Variants in ADAM12 observed in about 807,000 individuals in gnomAD.
ADAM12 encodes the protein ADAM metallopeptidase domain 12.
A neutral mutation model predicts 106.4 loss-of-function variants in ADAM12; 70 were observed. The ratio of observed to expected loss-of-function variants is 0.66; its 90% CI spans 0.54 to 0.80. The LOEUF (loss-of-function observed/expected upper bound fraction) is 0.80. ADAM12 is among the 30% of genes least tolerant of loss of function. ADAM12 has a pLI of 0.00. For synonymous variants in ADAM12, 420 were observed against 433.5 expected, an observed-to-expected ratio of 0.97 and a Z score of 0.39; for missense variants, 1,010 against 1,171.9, an observed-to-expected ratio of 0.86 and a Z score of 2.02.
chr10:126,100,758 C>T (rs1955648732), intron 9 of ADAM12, among the ~76,000 whole-genome samples: 2 of 151,948 alleles, frequency 1.3e-5, no homozygotes, highest in Admixed American at 1.3e-4. Flanking sequence ...AAATAGGCTA[C>T]TCAGAACAAC....
In ADAM12 at chr10:126,251,817, T is replaced by C. The variant is rs529134914; in HGVS notation, c.260+27098A>G. Among the ~76,000 whole-genome samples the C allele has an allele frequency of 3.6e-3, 524 of 145,068 alleles. 1 individual carries two copies. The highest frequency in any genetic ancestry group is 0.013 in the African/African-American group (494 of 37,984). ...TGGATGGGATGGATACATGAATTGA[T>C]GGGATGGATAGGATAGATGGATGAA... On this transcript the variant is annotated intron_variant, in intron 3 of 22. Transcript: ENST00000448723.
chr10:126,132,534 C>T lies in ADAM12; in HGVS notation c.416+3050G>A, dbSNP rs561219767. Among the ~76,000 whole-genome samples the T allele has an allele frequency of 1.0e-3, 141 of 139,516 alleles. 3 individuals are homozygous for T. The highest frequency in any genetic ancestry group is 3.7e-3 in the African/African-American group (137 of 36,804). 91.5% of individuals were successfully genotyped at this position (139,516 alleles called of 152,430 possible). A position where few individuals can be genotyped will look rare whatever the true frequency, so the allele number is the denominator to read the frequency against. The stretch of plus-strand genomic sequence containing the variant: ...GAGTGCTGCATGAACACCCCCCCCC[C>T]CTCAACTAGTCCAGTCCCAGAATCA... On this transcript the variant is annotated intron_variant, in intron 5 of 22. Transcript: ENST00000448723.
intron 3 of ADAM12, among the ~76,000 whole-genome samples, chr10:126,191,019 T>TTC (rs1957491053): frequency 7.3e-6 from 1 of 136,602 alleles, no homozygotes; most frequent in Admixed American, 7.3e-5. Context: ...TTTTTTTTTT[T>TTC]CAGACAGAGT....
chr10:126,085,542 C>G (rs1392597723), intron 11 of ADAM12, among the ~76,000 whole-genome samples: 1 of 152,166 alleles, frequency 6.6e-6, no homozygotes, highest in Non-Finnish European at 1.5e-5. Context: ...CCATTTCTAT[C>G]TATCCATTAT....
intron 10 of ADAM12, 58 bp from the exon 11 acceptor site, chr10:126,094,191 C>G: frequency 6.5e-7 from 1 of 1,532,018 alleles, no homozygotes; most frequent in Non-Finnish European, 8.9e-7. Flanking sequence ...CCTTATTTCC[C>G]AGGTCTCCCT....
At chr10:126,155,983 G>A (rs1292132603) in intron 3 of ADAM12, among the ~76,000 whole-genome samples, 2 of 152,180 alleles carry the variant, frequency 1.3e-5, no homozygotes, top group African/African-American at 4.8e-5. Flanking sequence ...CAGTCTACCA[G>A]AACTTCATTA....
intron 11 of ADAM12, among the ~76,000 whole-genome samples, chr10:126,087,194 G>A (rs77539569): frequency 0.095 from 14,390 of 152,100 alleles, 909 homozygotes; most frequent in African/African-American, 0.17. Context: ...TTAACGGGGA[G>A]GACAATTCTA....
intron 17 of ADAM12, 79 bp downstream of exon 17, chr10:126,045,976 G>A (rs1954306313): frequency 1.5e-6 from 2 of 1,326,238 alleles, no homozygotes; most frequent in Non-Finnish European, 2.2e-6. Flanking sequence ...GCTATGGATT[G>A]CAAAACCTTT....
rs148918989 is a variant in ADAM12, at chr10:126,174,913, C to T, written c.261-19608G>A. On this transcript the variant is annotated intron_variant, in intron 3 of 22. Transcript: ENST00000448723. ...GACTACAGGCACCTGCCACCACGCC[C>T]GGCTAATTTTTTGTTTGCATTTTTA... Among the ~76,000 whole-genome samples, 8 of 152,174 alleles carry T rather than the reference C, an allele frequency of 5.3e-5. No individual in the cohort carries two copies. In the East Asian group the frequency reaches 1.4e-3, roughly 26 times the overall value.
chr10:126,312,642 T>C, intron 2 of ADAM12, among the ~76,000 whole-genome samples: 1 of 152,132 alleles, frequency 6.6e-6, no homozygotes, highest in Non-Finnish European at 1.5e-5. Context: ...CTGAATTCGT[T>C]GTAATTAAAC....
At chr10:126,055,496 T>C in intron 14 of ADAM12, among the ~76,000 whole-genome samples, 1 of 152,256 alleles carries the variant, frequency 6.6e-6, no homozygotes, top group Admixed American at 6.5e-5. Flanking sequence ...CTTTGATCCT[T>C]ATAGCCACCC....
intron 2 of ADAM12, among the ~76,000 whole-genome samples, chr10:126,283,669 C>T (rs1282564944): frequency 6.6e-6 from 1 of 152,162 alleles, no homozygotes; most frequent in East Asian, 1.9e-4. Context: ...CTCCCTTTCT[C>T]TTGTCATTGT....
chr10:126,219,853 C>A (rs949541645), intron 3 of ADAM12, among the ~76,000 whole-genome samples: 2 of 152,148 alleles, frequency 1.3e-5, no homozygotes, highest in Admixed American at 6.5e-5. Flanking sequence ...AGTTTGTAGG[C>A]AAAATAGGAA....
At position 126,138,467 on chromosome 10, in the gene ADAM12, C is replaced by T. The variant is rs191858031; in HGVS notation, c.340-2807G>A. ...TCGGCTCATTGCAACCTCTGCTTCCCGGGTTCAAGTGATTCTCCTGCCTCA... is the reference window on the plus strand; with the variant it reads ...TCGGCTCATTGCAACCTCTGCTTCCTGGGTTCAAGTGATTCTCCTGCCTCA... On this transcript the variant is annotated intron_variant, in intron 4 of 22. Transcript: ENST00000448723. Among the ~76,000 whole-genome samples, 792 of 152,242 alleles carry T rather than the reference C, an allele frequency of 5.2e-3. 5 individuals are homozygous for T. The highest frequency in any genetic ancestry group is 0.018 in the African/African-American group (749 of 41,542).
At position 126,337,637 on chromosome 10, in the gene ADAM12, C is replaced by T. The variant is rs114646656; in HGVS notation, c.89-7128G>A. 1.9e-3 allele frequency among the ~76,000 whole-genome samples: 282 copies of T among 152,292 alleles called. 4 individuals carry two copies. Among genetic ancestry groups the T allele is most frequent in the African/African-American group, 6.5e-3 (271 of 41,544 alleles). ...CAACTCAAATGCCAATCTCCTCTGG[C>T]AACACCCTCCCAGACACACCCAGAA... On this transcript the variant is annotated intron_variant, in intron 1 of 22. Coordinates refer to ENST00000448723, the MANE Select transcript of ADAM12 (RefSeq NM_001288973.2).
intron 10 of ADAM12, among the ~76,000 whole-genome samples, chr10:126,095,033 T>A (rs986944248): frequency 1.3e-5 from 2 of 152,200 alleles, no homozygotes; most frequent in Non-Finnish European, 2.9e-5. Flanking sequence ...AGTGCCTATA[T>A]ACAACATTTC....
At chr10:126,170,701 A>G (rs922938414) in intron 3 of ADAM12, among the ~76,000 whole-genome samples, 1 of 152,218 alleles carries the variant, frequency 6.6e-6, no homozygotes, top group Non-Finnish European at 1.5e-5. Context: ...CATTAATCCC[A>G]TCTGAATTCT....
intron 5 of ADAM12, among the ~76,000 whole-genome samples, chr10:126,134,793 G>T (rs1956374481): frequency 6.6e-6 from 1 of 152,214 alleles, no homozygotes; most frequent in Admixed American, 6.5e-5. Context: ...ACTCAAGCAG[G>T]TATATCCTTC....
intron 18 of ADAM12, 49 bp downstream of exon 18, chr10:126,042,991 C>T (rs1471447497): frequency 1.9e-6 from 3 of 1,575,298 alleles, no homozygotes; most frequent in Admixed American, 3.6e-5. Flanking sequence ...AGCCCACCCG[C>T]CCCCAGGTGC....
Sources: gnomAD v4.1 joint callset for allele counts (sites outside exome capture counted in the v4.1 genomes callset) on GRCh38, gnomAD v4.1.1 for gene constraint, MANE v1.5 for transcripts, NCBI Gene and HGNC (gene_info 2026-07-23, HGNC 2026-07-21) for gene names.